PFKP: variants seen among roughly 807,000 people sequenced by gnomAD.
PFKP encodes the protein phosphofructokinase, platelet.
A neutral mutation model predicts 94.3 loss-of-function variants in PFKP; 101 were observed. That is an observed-to-expected ratio of 1.07 (90% CI 0.91 to 1.26). PFKP has a LOEUF of 1.26. Ranked by LOEUF, PFKP falls within the 50% of genes most tolerant of loss-of-function variation. The probability of loss-of-function intolerance (pLI) is 0.00; values close to 1 mark genes in which losing one functional copy is unlikely to be tolerated. For synonymous variants in PFKP, 573 were observed against 432.6 expected, an observed-to-expected ratio of 1.32 and a Z score of -4.03; for missense variants, 1,145 against 1,103.3, an observed-to-expected ratio of 1.04 and a Z score of -0.53.
At chr10:3,100,980 C>T in intron 3 of PFKP, 1 of 1,612,308 alleles carries the variant, frequency 6.2e-7, no homozygotes, top group Non-Finnish European at 8.5e-7. Context: ...CTTCCCTTGT[C>T]CTGGCCGGCA....
chr10:3,103,829 G>C lies in PFKP; in HGVS notation c.505G>C (p.Gly169Arg), dbSNP rs1354863282. 14 of 1,613,916 alleles carry C rather than the reference G, an allele frequency of 8.7e-6. No individual in the cohort carries two copies. The highest frequency in any genetic ancestry group is 1.1e-5 in the Non-Finnish European group (13 of 1,180,042). The change falls in exon 5 of 22, where the codon GGC (glycine) becomes CGC (arginine). Residue 169 changes from glycine (G) to arginine (R), a missense_variant. Physicochemically the swap from Gly to Arg is moderately radical, Grantham distance 125. This residue lies in a region of PFKP where 1,119 missense variants were observed against 1,062.8 expected (regional missense o/e 1.05). Coordinates refer to ENST00000381125, the MANE Select transcript of PFKP (RefSeq NM_002627.5). ...GAAGTACGCCTACCTCAACGTGGTG[G>C]GCATGGTGGGCTCCATCGACAATGA... The part of the protein sequence containing the change: ...VQKYAYLNVV[G>R]MVGSIDNDFC...
In PFKP at chr10:3,120,039, A is replaced by G; in HGVS notation, c.1678A>G (p.Thr560Ala). 1 of 1,613,836 alleles carries G rather than the reference A, an allele frequency of 6.2e-7. No homozygotes were observed. The highest frequency in any genetic ancestry group is 8.5e-7 in the Non-Finnish European group (1 of 1,179,932). Residue 560 changes from threonine to alanine, a missense_variant, in exon 16 of 22, where the codon ACC becomes GCC. Physicochemically the swap from Thr to Ala is moderately conservative, Grantham distance 58. Coordinates refer to ENST00000381125, the MANE Select transcript of PFKP (RefSeq NM_002627.5). ...GGCAGACACCGCCCTGAACACTATC[A>G]CCGACGTAAGTCCGTGTGCGCCCTG... ...IGADTALNTI[T>A]DTCDRIKQSA...
intron 7 of PFKP, among the ~76,000 whole-genome samples, chr10:3,106,626 T>TCTCCTCACCCCTGCCCCTCTCC: frequency 1.2e-4 from 1 of 8,484 alleles, no homozygotes; most frequent in African/African-American, 4.8e-4. Flanking sequence ...CCACTGCCCC[T>TCTCCTCACCCCTGCCCCTCTCC]TCACCCCTGC....
intron 19 of PFKP, 69 bp from the exon 20 acceptor site, chr10:3,134,414 T>C (rs1374647600): frequency 2.3e-6 from 2 of 880,826 alleles, no homozygotes; most frequent in Non-Finnish European, 1.9e-6. Flanking sequence ...AAATAGAAAT[T>C]GTCATTTCTA....
At chr10:3,083,639 CTTATT>C (rs71497859) in intron 2 of PFKP, among the ~76,000 whole-genome samples, 68,106 of 151,230 alleles carry the variant, frequency 0.45, 15,867 homozygotes, top group Middle Eastern at 0.63. Context: ...GTTGCTTTAA[CTTATT>C]TTATTTTATT....
At chr10:3,118,701 C>T (rs555490365) in intron 14 of PFKP, 81 bp from the exon 15 acceptor site, 9 of 929,846 alleles carry the variant, frequency 9.7e-6, no homozygotes, top group Admixed American at 1.9e-5. Context: ...GGAAGGCGGC[C>T]GGGTGGGGAC....
intron 1 of PFKP, among the ~76,000 whole-genome samples, chr10:3,074,634 G>A (rs1481803709): frequency 6.6e-6 from 1 of 152,202 alleles, no homozygotes; most frequent in Non-Finnish European, 1.5e-5. Flanking sequence ...GTGTGTCAGG[G>A]CTTGGGGTGA....
intron 10 of PFKP, 68 bp downstream of exon 10, chr10:3,109,548 G>C: frequency 6.4e-7 from 1 of 1,564,132 alleles, no homozygotes; most frequent in Non-Finnish European, 8.6e-7. Flanking sequence ...TGTCAGGCCA[G>C]CCTGGGCACC....
intron 7 of PFKP, among the ~76,000 whole-genome samples, 185 bp downstream of exon 7, chr10:3,105,686 C>G (rs1399246589): frequency 6.6e-6 from 1 of 152,226 alleles, no homozygotes; most frequent in Non-Finnish European, 1.5e-5. Flanking sequence ...GGCTGAGACT[C>G]AAGGCAGAAG....
intron 20 of PFKP, among the ~76,000 whole-genome samples, chr10:3,135,457 C>CTAAT (rs1380001982): frequency 6.6e-6 from 1 of 152,160 alleles, no homozygotes; most frequent in Non-Finnish European, 1.5e-5. Flanking sequence ...GTAATTTAAG[C>CTAAT]TAATTTCCCT....
At chr10:3,125,190 A>C in intron 16 of PFKP, 7 of 1,349,604 alleles carry the variant, frequency 5.2e-6, no homozygotes, top group Non-Finnish European at 6.9e-6. Context: ...GATTAGCAAC[A>C]ATGTCCCAGG....
chr10:3,086,656 G>A (rs1231074154), intron 2 of PFKP, among the ~76,000 whole-genome samples: 2 of 152,122 alleles, frequency 1.3e-5, no homozygotes, highest in Non-Finnish European at 2.9e-5. Context: ...ACTAAACCAA[G>A]CGCACACTGT....
intron 1 of PFKP, among the ~76,000 whole-genome samples, chr10:3,080,069 A>G (rs1054866738): frequency 6.6e-6 from 1 of 150,532 alleles, no homozygotes; most frequent in African/African-American, 2.4e-5. Flanking sequence ...GAGCAAGAGC[A>G]CTGGTGGGAC....
At chr10:3,136,022 G>C (rs9423491) in intron 21 of PFKP, among the ~76,000 whole-genome samples, 184 bp downstream of exon 21, 4 of 151,890 alleles carry the variant, frequency 2.6e-5, no homozygotes, top group African/African-American at 4.8e-5. Flanking sequence ...TCCCAGCACT[G>C]TGGGAGGCCG....
At chr10:3,114,424 A>G (rs1023794976) in intron 13 of PFKP, among the ~76,000 whole-genome samples, 5 of 152,324 alleles carry the variant, frequency 3.3e-5, no homozygotes, top group Admixed American at 6.5e-5. Context: ...TGCTGGGATT[A>G]CAGGCATGAC....
In PFKP at chr10:3,074,856, G is replaced by A. The variant is rs143298456; in HGVS notation, c.112+7149G>A. On this transcript the variant is annotated intron_variant, in intron 1 of 21. Coordinates refer to ENST00000381125, the MANE Select transcript of PFKP (RefSeq NM_002627.5). ...TCAGTCGGGGAGACCGTAACCCAGC[G>A]GCGCTAGAGGAATTAAAGACACACA... is the stretch of plus-strand genomic sequence containing the variant. 7.2e-3 allele frequency among the ~76,000 whole-genome samples: 1,092 copies of A among 152,236 alleles called. 19 individuals carry two copies. Among genetic ancestry groups the A allele is most frequent in the African/African-American group, 0.024 (1,017 of 41,516 alleles).
chr10:3,115,358 TGAA>T, intron 13 of PFKP, among the ~76,000 whole-genome samples: 1 of 71,534 alleles, frequency 1.4e-5, no homozygotes, highest in Admixed American at 1.4e-4. Flanking sequence ...GATGCTGGAG[TGAA>T]GGTGTGTGTC....
rs776028361 is a variant in PFKP, at chr10:3,134,505, A to G, written c.2045A>G (p.Asp682Gly). 5 of 1,613,434 alleles carry G rather than the reference A, an allele frequency of 3.1e-6. No individual in the cohort carries two copies. Among genetic ancestry groups the G allele is most frequent in the Non-Finnish European group, 4.2e-6 (5 of 1,179,480 alleles). Residue 682 changes from aspartate to glycine, a missense_variant, in exon 20 of 22, where the codon GAT becomes GGT. Coordinates refer to ENST00000381125, the MANE Select transcript of PFKP (RefSeq NM_002627.5). ...MQQGGAPSPF[D>G]RNFGTKISAR... ...CAGGGTGGGGCACCCTCTCCATTTGATAGAAACTTTGGAACCAAAATCTCT... is the reference window on the plus strand; with the variant it reads ...CAGGGTGGGGCACCCTCTCCATTTGGTAGAAACTTTGGAACCAAAATCTCT...
At chr10:3,073,203 A>C (rs902063413) in intron 1 of PFKP, among the ~76,000 whole-genome samples, 2 of 151,932 alleles carry the variant, frequency 1.3e-5, no homozygotes, top group Non-Finnish European at 2.9e-5. Flanking sequence ...CAGGGTGCTG[A>C]GTGCTGAGTG....
Sources: allele counts gnomAD v4.1 joint callset (sites outside exome capture counted in the v4.1 genomes callset), GRCh38; gene constraint gnomAD v4.1.1; regional missense constraint gnomAD v4.1.1; transcripts MANE v1.5; gene names NCBI Gene and HGNC (gene_info 2026-07-23, HGNC 2026-07-21).